The following MYOM2 variants were observed in gnomAD, a reference collection of about 807,000 sequenced individuals.
MYOM2 encodes myomesin 2.
Under a neutral mutation model 187.6 loss-of-function variants are expected in MYOM2, and 254 were observed. The observed-to-expected ratio is 1.35, with a 90% CI of 1.22 to 1.50. MYOM2 has a LOEUF of 1.50. Among genes scored for constraint, MYOM2 ranks in the 40% most tolerant of loss-of-function variants. The probability of loss-of-function intolerance (pLI) is 0.00; values close to 1 mark genes in which losing one functional copy is unlikely to be tolerated. For synonymous variants in MYOM2, 981 were observed against 753.8 expected (o/e 1.30, Z -4.94); for missense variants, 2,796 against 1,924.0 (o/e 1.45, Z -8.48).
At chr8:2,112,437 T>G (rs1040799341) in intron 25 of MYOM2, among the ~76,000 whole-genome samples, 7 of 151,738 alleles carry the variant, frequency 4.6e-5, no homozygotes, top group Admixed American at 2.0e-4. Flanking sequence ...GAATGAGACA[T>G]TCCAAGCCGC....
chr8:2,111,108 G>A (rs892351755), intron 25 of MYOM2, among the ~76,000 whole-genome samples: 2 of 152,202 alleles, frequency 1.3e-5, no homozygotes, highest in Admixed American at 1.3e-4. Context: ...TTTATTTGCG[G>A]GATATCTTTT....
chr8:2,131,467 G>A (rs1224854360), intron 32 of MYOM2, among the ~76,000 whole-genome samples: 1 of 151,782 alleles, frequency 6.6e-6, no homozygotes, highest in African/African-American at 2.4e-5. Flanking sequence ...CAGGCAGATC[G>A]GGGCACAGCT....
chr8:2,139,981 C>G (rs1798218529), intron 32 of MYOM2, among the ~76,000 whole-genome samples: 1 of 152,102 alleles, frequency 6.6e-6, no homozygotes, highest in African/African-American at 2.4e-5. Flanking sequence ...GTGTTAAGTA[C>G]ATTCACATCA....
chr8:2,104,843 C>T (rs1007359371), intron 21 of MYOM2, among the ~76,000 whole-genome samples: 2 of 152,190 alleles, frequency 1.3e-5, no homozygotes, highest in African/African-American at 4.8e-5. Flanking sequence ...TCCAGTTTAA[C>T]CAACCAGCAG....
intron 1 of MYOM2, among the ~76,000 whole-genome samples, chr8:2,045,470 AG>A (rs1176656340): frequency 1.3e-5 from 2 of 152,004 alleles, no homozygotes; most frequent in Non-Finnish European, 2.9e-5. Context: ...TCGTGGCCCC[AG>A]GGGGCCCCCC....
intron 6 of MYOM2, among the ~76,000 whole-genome samples, chr8:2,065,177 A>C (rs1389996476): frequency 6.6e-6 from 1 of 152,202 alleles, no homozygotes; most frequent in Non-Finnish European, 1.5e-5. Flanking sequence ...AATACCCACA[A>C]TGTGTTTATT....
intron 1 of MYOM2, 41 bp from the exon 2 acceptor site, chr8:2,050,714 C>T (rs1019737250): frequency 2.2e-5 from 27 of 1,245,180 alleles, no homozygotes; most frequent in Non-Finnish European, 2.9e-5. Context: ...CCTCATGATG[C>T]TTGCGAGGGA....
chr8:2,143,335 C>A, intron 35 of MYOM2, 66 bp from the exon 36 acceptor site: 1 of 1,585,460 alleles, frequency 6.3e-7, no homozygotes, highest in East Asian at 2.2e-5. Flanking sequence ...CTGCTGCTTA[C>A]ATGGCTCCTG....
chr8:2,102,438 T>C (rs1160355345), intron 20 of MYOM2, among the ~76,000 whole-genome samples: 2 of 152,204 alleles, frequency 1.3e-5, no homozygotes, highest in Non-Finnish European at 2.9e-5. Context: ...GATAAAAAAA[T>C]GAAAGAGGTT....
At chr8:2,055,356 C>G (rs1818629627) in intron 3 of MYOM2, among the ~76,000 whole-genome samples, 1 of 152,104 alleles carries the variant, frequency 6.6e-6, no homozygotes, top group Non-Finnish European at 1.5e-5. Context: ...AGGGGAGAGG[C>G]TCTGAGGGAG....
rs572079155 is a variant in MYOM2, at chr8:2,143,309, T to C, written c.4025-92T>C. On this transcript the variant is annotated intron_variant, in intron 35 of 36. Transcript: ENST00000262113. ...TCCTGAGCATAAACTCCTCACCACA[T>C]TCACCTTGGTACCCACTGCTGCTTA... 897 of 1,417,126 alleles carry C rather than the reference T, an allele frequency of 6.3e-4. 1 individual carries two copies. Among genetic ancestry groups the C allele is most frequent in the Non-Finnish European group, 8.1e-4 (816 of 1,002,956 alleles). The allele number at this position is 1,417,126 out of a possible 1,614,324, so 87.8% of individuals were successfully genotyped here.
chr8:2,120,695 TA>T (rs1252446431), intron 28 of MYOM2, among the ~76,000 whole-genome samples: 15 of 100,124 alleles, frequency 1.5e-4, no homozygotes, highest in East Asian at 8.3e-4. Context: ...TATAAATATA[TA>T]ATATATATAT....
At chr8:2,068,769 G>C (rs759363888) in intron 6 of MYOM2, among the ~76,000 whole-genome samples, 1 of 152,132 alleles carries the variant, frequency 6.6e-6, no homozygotes, top group Non-Finnish European at 1.5e-5. Context: ...GGACCCCCCC[G>C]CCATGGTTCA....
At chr8:2,085,440 C>G (rs775346921) in intron 14 of MYOM2, 50 bp downstream of exon 14, 1 of 1,597,826 alleles carries the variant, frequency 6.3e-7, no homozygotes, top group Admixed American at 1.7e-5. Flanking sequence ...CATGGCCCCC[C>G]ACTGTCATGA....
chr8:2,137,191 T>A (rs5023999), intron 32 of MYOM2, among the ~76,000 whole-genome samples: 35,514 of 151,040 alleles, frequency 0.24, 4,374 homozygotes, highest in Middle Eastern at 0.29. Flanking sequence ...GAGTTAATGG[T>A]GATCAAGAAA....
At chr8:2,056,138 C>G (rs553268545) in intron 3 of MYOM2, among the ~76,000 whole-genome samples, 2 of 152,160 alleles carry the variant, frequency 1.3e-5, no homozygotes, top group Non-Finnish European at 2.9e-5. Flanking sequence ...AAAATGTATG[C>G]AAATTACGAT....
chr8:2,127,681 GCCGCAGGCAGGCAGTACC>G (rs1797700816), intron 31 of MYOM2: 9 of 126,520 alleles, frequency 7.1e-5, no homozygotes, highest in Non-Finnish European at 1.2e-4. Flanking sequence ...CGGTGACGCA[GCCGCAGGCAGGCAGTACC>G]TCGGCGTGAC....
rs746285716 is a variant in MYOM2 at position 2,078,769 on chromosome 8, A to G, written c.1298A>G (p.Asn433Ser). Residue 433 changes from asparagine (N) to serine (S), a missense_variant, in exon 12 of 37, where the codon AAT (asparagine) becomes AGT (serine). Physicochemically the swap from Asn to Ser is conservative, Grantham distance 46. Transcript: ENST00000262113. ...EVGTNNWVQC[N>S]DAPVKICKYP... ...GGAACGAATAATTGGGTGCAGTGCA[A>G]TGATGCACCGGTGAAAATCTGCAAA... 8.7e-6 allele frequency: 14 copies of G among 1,614,008 alleles called. No homozygotes were observed. The highest frequency in any genetic ancestry group is 3.3e-5 in the South Asian group (3 of 91,082).
chr8:2,138,331 G>A (rs79389003), intron 32 of MYOM2, among the ~76,000 whole-genome samples: 7,519 of 152,246 alleles, frequency 0.049, 568 homozygotes, highest in African/African-American at 0.16. Context: ...TGCTCCCCAG[G>A]CAGCCCATGC....
Sources: allele counts gnomAD v4.1 joint callset (sites outside exome capture counted in the v4.1 genomes callset), GRCh38; gene constraint gnomAD v4.1.1; transcripts MANE v1.5; gene names NCBI Gene and HGNC (gene_info 2026-07-23, HGNC 2026-07-21).